Variants in FN3KRP observed in about 807,000 individuals in gnomAD.
The protein encoded by FN3KRP is ketosamine-3-kinase.
In FN3KRP, 33 loss-of-function variants were observed where a neutral mutation model predicts 29.8. The observed-to-expected ratio is 1.11, with a 90% CI of 0.84 to 1.48. The LOEUF (loss-of-function observed/expected upper bound fraction) is 1.48, where lower values mean the gene tolerates loss of function less well. Ranked by LOEUF, FN3KRP falls within the 40% of genes most tolerant of loss-of-function variation. The pLI is 0.00. For missense variants in FN3KRP, 430 were observed against 402.6 expected (o/e 1.07, Z -0.58); for synonymous variants, 157 against 155.2 (o/e 1.01, Z -0.09).
intron 4 of FN3KRP, among the ~76,000 whole-genome samples, chr17:82,725,357 C>G (rs1192586277): frequency 6.6e-6 from 1 of 152,006 alleles, no homozygotes; most frequent in Admixed American, 6.6e-5. Flanking sequence ...GTCTCAAACT[C>G]CTGGGCTCAA....
chr17:82,719,764 G>GA (rs1205737037), intron 2 of FN3KRP, among the ~76,000 whole-genome samples: 6 of 147,524 alleles, frequency 4.1e-5, no homozygotes, highest in South Asian at 4.6e-4. Context: ...CAAAAAAGAG[G>GA]AAAAAAAAAC....
intron 3 of FN3KRP, among the ~76,000 whole-genome samples, chr17:82,721,705 T>C (rs2046799432): frequency 6.6e-6 from 1 of 151,926 alleles, no homozygotes; most frequent in South Asian, 2.1e-4. Flanking sequence ...GGTTTCACCG[T>C]GTTAGCCGGG....
intron 4 of FN3KRP, among the ~76,000 whole-genome samples, chr17:82,725,910 A>G (rs2046833689): frequency 6.6e-6 from 1 of 152,184 alleles, no homozygotes; most frequent in South Asian, 2.1e-4. Flanking sequence ...GCAGTGGCCC[A>G]CGCCCGCCCG....
chr17:82,718,023 C>T lies in FN3KRP; in HGVS notation c.142-883C>T, dbSNP rs545884684. On this transcript the variant is annotated intron_variant, in intron 1 of 5. Coordinates refer to ENST00000269373, the MANE Select transcript of FN3KRP (RefSeq NM_024619.4). Reference sequence around the variant, plus strand: ...GTGTGTCTCAGGAGAAAAAGAAAGGCCGCTGGCCCTGACCTGTTCTGCGGG... The same window carrying T: ...GTGTGTCTCAGGAGAAAAAGAAAGGTCGCTGGCCCTGACCTGTTCTGCGGG... 2.0e-5 allele frequency among the ~76,000 whole-genome samples: 3 copies of T among 149,562 alleles called. No individual in the cohort carries two copies. In the East Asian group the frequency reaches 5.9e-4, roughly 29 times the overall value.
intron 2 of FN3KRP, 142 bp downstream of exon 2, chr17:82,719,199 C>G (rs2046781667): frequency 1.3e-6 from 1 of 750,414 alleles, no homozygotes; most frequent in South Asian, 1.8e-5. Flanking sequence ...CACCCCCCAG[C>G]TGGCTTCATG....
At position 82,727,034 on chromosome 17, in the gene FN3KRP, G is replaced by T. The variant is rs61740985; in HGVS notation, c.793G>T (p.Gly265Cys). The change falls in exon 6 of 6, where the codon GGC becomes TGC. Residue 265 changes from glycine to cysteine, a missense_variant. Transcript: ENST00000269373. ...CAGCTCCTTTTACTCCGCCTACCACGGCAAAATCCCCAAGGCCCCAGGATT... is the reference window on the plus strand; with the variant it reads ...CAGCTCCTTTTACTCCGCCTACCACTGCAAAATCCCCAAGGCCCCAGGATT... ...FSSSFYSAYH[G>C]KIPKAPGFEK... The T allele has an allele frequency of 2.4e-3, 3,811 of 1,614,056 alleles. 99 individuals carry two copies. The African/African-American group carries it at 0.046, about 19-fold the overall frequency.
intron 4 of FN3KRP, among the ~76,000 whole-genome samples, chr17:82,725,158 C>T (rs1033037311): frequency 6.6e-6 from 1 of 152,050 alleles, no homozygotes; most frequent in Non-Finnish European, 1.5e-5. Context: ...GATAGAGTCT[C>T]TCTCTGTTGC....
chr17:82,720,408 C>T (rs779492087), intron 3 of FN3KRP, 45 bp downstream of exon 3: 27 of 1,515,238 alleles, frequency 1.8e-5, no homozygotes, highest in Middle Eastern at 2.2e-4. Context: ...TAGAGGAGGA[C>T]GTTCAGCCGG....
At chr17:82,722,750 T>G in intron 3 of FN3KRP, 54 bp from the exon 4 acceptor site, 1 of 1,568,016 alleles carries the variant, frequency 6.4e-7, no homozygotes. Context: ...GTTTCGAGAG[T>G]GGGCGCTGGG....
chr17:82,722,920 C>G (rs893316509), intron 4 of FN3KRP, 34 bp downstream of exon 4: 1 of 1,597,438 alleles, frequency 6.3e-7, no homozygotes, highest in African/African-American at 1.3e-5. Context: ...ATTTCACAAT[C>G]AGGTCAGCTG....
At chr17:82,722,065 C>T (rs555103422) in intron 3 of FN3KRP, among the ~76,000 whole-genome samples, 1 of 149,990 alleles carries the variant, frequency 6.7e-6, no homozygotes, top group African/African-American at 2.5e-5. Context: ...AATTCCCGAC[C>T]TCAGGTGATC....
chr17:82,722,918 A>G, intron 4 of FN3KRP, 32 bp downstream of exon 4: 1 of 1,600,228 alleles, frequency 6.2e-7, no homozygotes, highest in South Asian at 1.1e-5. Flanking sequence ...CTATTTCACA[A>G]TCAGGTCAGC....
intron 1 of FN3KRP, 49 bp downstream of exon 1, chr17:82,716,945 G>C: frequency 6.5e-7 from 1 of 1,541,478 alleles, no homozygotes; most frequent in African/African-American, 1.5e-5. Context: ...TTTCCGGAGA[G>C]GGTCGCGGGC....
rs2046809229 is a variant in FN3KRP, at chr17:82,722,967, T to C, written c.468+81T>C. The C allele has an allele frequency of 3.3e-6, 4 of 1,230,038 alleles. No individual in the cohort carries two copies. The South Asian group carries it at 5.4e-5, about 17-fold the overall frequency. 76.2% of individuals were successfully genotyped at this position (1,230,038 alleles called of 1,614,324 possible). ...GGGTTGGGGGGACACACCCCCCTCC[T>C]TTTTTTGTGAGCTTCAGTAAAAGTA... is the stretch of plus-strand genomic sequence containing the variant. On this transcript the variant is annotated intron_variant, in intron 4 of 5. Transcript: ENST00000269373.
chr17:82,717,035 C>G (rs1301624890), intron 1 of FN3KRP, 139 bp downstream of exon 1: 45 of 1,099,558 alleles, frequency 4.1e-5, no homozygotes, highest in Non-Finnish European at 5.5e-5. Context: ...CCGCCCCTTG[C>G]GGGGAACCCT....
chr17:82,718,784 A>C, intron 1 of FN3KRP, 122 bp from the exon 2 acceptor site: 1 of 1,295,256 alleles, frequency 7.7e-7, no homozygotes, highest in Non-Finnish European at 1.1e-6. Flanking sequence ...ATGTGTATGG[A>C]ATCCTCAGTC....
At chr17:82,716,993 G>T in intron 1 of FN3KRP, 97 bp downstream of exon 1, 3 of 1,407,006 alleles carry the variant, frequency 2.1e-6, no homozygotes, top group Non-Finnish European at 2.8e-6. Flanking sequence ...TCCCGCCGGA[G>T]GCCGTGGGTG....
At chr17:82,717,359 C>T (rs2046764219) in intron 1 of FN3KRP, among the ~76,000 whole-genome samples, 1 of 152,176 alleles carries the variant, frequency 6.6e-6, no homozygotes, top group African/African-American at 2.4e-5. Context: ...TGAAACGGGG[C>T]GAAGGTGCTG....
intron 1 of FN3KRP, among the ~76,000 whole-genome samples, chr17:82,717,376 G>T (rs1257205929): frequency 6.6e-6 from 1 of 152,204 alleles, no homozygotes; most frequent in Admixed American, 6.5e-5. Flanking sequence ...GCTGCCCCCA[G>T]GCCAGCTGCT....
Sources: allele counts gnomAD v4.1 joint callset (sites outside exome capture counted in the v4.1 genomes callset), GRCh38; gene constraint gnomAD v4.1.1; transcripts MANE v1.5; gene names NCBI Gene and HGNC (gene_info 2026-07-23, HGNC 2026-07-21).